Variants in KLF13 observed in about 807,000 individuals in gnomAD.
KLF13 encodes the protein KLF transcription factor 13, also known as Krueppel-like factor 13.
Under a neutral mutation model 16.7 loss-of-function variants are expected in KLF13, and 8 were observed. The ratio of observed to expected loss-of-function variants is 0.48; its 90% CI spans 0.28 to 0.87. The LOEUF (loss-of-function observed/expected upper bound fraction) is 0.87, where lower values mean the gene tolerates loss of function less well. KLF13 is among the 40% of genes least tolerant of loss of function. KLF13 has a pLI of 0.10. For missense variants in KLF13, 447 were observed against 452.2 expected (o/e 0.99, Z 0.10); for synonymous variants, 245 against 208.4 (o/e 1.18, Z -1.51).
At chr15:31,379,609 G>A (rs890296837), downstream of KLF13, among the ~76,000 whole-genome samples, 1 of 152,246 alleles carries the variant, frequency 6.6e-6, no homozygotes, top group Non-Finnish European at 1.5e-5. Flanking sequence ...AAAAAAGCAA[G>A]CAATAGATTT....
At chr15:31,341,501 C>CTT (rs35489650) in intron 1 of KLF13, among the ~76,000 whole-genome samples, 2,207 of 117,074 alleles carry the variant, frequency 0.019, 67 homozygotes, top group African/African-American at 0.066. Context: ...AATTCAGAAT[C>CTT]TTTTTTTTTT....
upstream of KLF13, among the ~76,000 whole-genome samples, chr15:31,388,605 CAAAA>C (rs5811640): frequency 0.044 from 4,042 of 92,344 alleles, 174 homozygotes; most frequent in African/African-American, 0.13. Context: ...AACTCTGTCT[CAAAA>C]AAAAAAAAAA....
chr15:31,415,052 T>C (rs936454485), intron 1 of KLF13, among the ~76,000 whole-genome samples: 14 of 152,136 alleles, frequency 9.2e-5, no homozygotes, highest in Admixed American at 5.2e-4. Context: ...GCTAGTTGTT[T>C]AAAATAATCT....
chr15:31,328,147 G>C (rs2038754645), intron 1 of KLF13, among the ~76,000 whole-genome samples: 1 of 149,718 alleles, frequency 6.7e-6, no homozygotes, highest in South Asian at 2.1e-4. Context: ...GGTGTGGACC[G>C]CAGGCGGCAC....
upstream of KLF13, among the ~76,000 whole-genome samples, chr15:31,391,628 C>T (rs1459714253): frequency 6.6e-6 from 1 of 151,078 alleles, no homozygotes; most frequent in Non-Finnish European, 1.5e-5. Context: ...CCCGACGCTT[C>T]CGGGAGGTCT....
chr15:31,345,640 C>T (rs988922279), intron 1 of KLF13, among the ~76,000 whole-genome samples: 8 of 152,192 alleles, frequency 5.3e-5, no homozygotes, highest in Non-Finnish European at 1.2e-4. Context: ...TCCCCCTCAC[C>T]AGGGGACCCT....
At chr15:31,365,689 G>A (rs560005713) in intron 1 of KLF13, among the ~76,000 whole-genome samples, 469 of 152,246 alleles carry the variant, frequency 3.1e-3, no homozygotes, top group African/African-American at 5.7e-3. Context: ...AACTTGGAGC[G>A]TGCCCTTTGC....
intron 1 of KLF13, among the ~76,000 whole-genome samples, chr15:31,329,408 G>T (rs1379407244): frequency 6.6e-6 from 1 of 152,052 alleles, no homozygotes; most frequent in Non-Finnish European, 1.5e-5. Flanking sequence ...GATACTTAAT[G>T]TTTGGGAAAT....
At chr15:31,362,998 A>G (rs1007568052) in intron 1 of KLF13, among the ~76,000 whole-genome samples, 1 of 152,240 alleles carries the variant, frequency 6.6e-6, no homozygotes, top group African/African-American at 2.4e-5. Flanking sequence ...AATCAGGAGC[A>G]TATCCCGTTT....
At chr15:31,390,082 CAG>C (rs1338666704), upstream of KLF13, among the ~76,000 whole-genome samples, 3 of 152,132 alleles carry the variant, frequency 2.0e-5, no homozygotes, top group Non-Finnish European at 2.9e-5. Context: ...ATATTAATAA[CAG>C]AATAATAATG....
At chr15:31,339,261 T>C (rs1394677634) in intron 1 of KLF13, among the ~76,000 whole-genome samples, 1 of 152,218 alleles carries the variant, frequency 6.6e-6, no homozygotes, top group African/African-American at 2.4e-5. Context: ...TTTTTTTTTT[T>C]TTAAATTAGC....
chr15:31,330,206 G>C (rs2038802105), intron 1 of KLF13, among the ~76,000 whole-genome samples: 1 of 152,238 alleles, frequency 6.6e-6, no homozygotes. Flanking sequence ...CAGGGCACAA[G>C]GTGATGGCTT....
chr15:31,407,195 T>C (rs1228719043), downstream of KLF13, among the ~76,000 whole-genome samples: 4 of 152,174 alleles, frequency 2.6e-5, no homozygotes, highest in African/African-American at 9.7e-5. Context: ...TGAGAAAAGA[T>C]AGCTGGGTGT....
downstream of KLF13, among the ~76,000 whole-genome samples, chr15:31,405,346 T>C (rs548894197): frequency 1.3e-5 from 2 of 152,226 alleles, no homozygotes; most frequent in South Asian, 2.1e-4. Context: ...AGAAAAGAGC[T>C]TGGAGAACCC....
chr15:31,327,879 A>G (rs1387387436), intron 1 of KLF13, 90 bp downstream of exon 1: 5 of 1,168,234 alleles, frequency 4.3e-6, no homozygotes, highest in Admixed American at 4.9e-5. Context: ...ATGGGGCGCG[A>G]GGTGGGGGCC....
chr15:31,357,307 A>C (rs2140953291), intron 1 of KLF13, among the ~76,000 whole-genome samples: 1 of 152,124 alleles, frequency 6.6e-6, no homozygotes, highest in Non-Finnish European at 1.5e-5. Flanking sequence ...TGCTCCCTCC[A>C]CATCACCTGT....
chr15:31,394,754 TATAGA>T (rs763467413), intron 2 of KLF13, among the ~76,000 whole-genome samples: 1 of 152,266 alleles, frequency 6.6e-6, no homozygotes. Context: ...CACAGTTAAT[TATAGA>T]ATATTGCCTC....
rs199975871 is a variant in KLF13 at position 31,376,305 on chromosome 15, C to A, written c.*4006C>A. 6.6e-6 allele frequency: 1 copy of A among 151,772 alleles called. No homozygotes were observed. Among genetic ancestry groups the A allele is most frequent in the African/African-American group, 2.4e-5 (1 of 41,206 alleles). The allele number at this position is 151,772 out of a possible 1,614,324, so 9.4% of individuals were successfully genotyped here. On this transcript the variant is annotated 3_prime_UTR_variant, in exon 2 of 2. Coordinates refer to ENST00000307145, the MANE Select transcript of KLF13 (RefSeq NM_015995.4). ...GGTTGTGGCTGTGTGTACAGGGCTA[C>A]CTATTTTGACTTCTGACAGGTGTCA...
intron 1 of KLF13, among the ~76,000 whole-genome samples, chr15:31,360,792 G>C (rs12915988): frequency 0.27 from 41,641 of 152,108 alleles, 5,776 homozygotes; most frequent in South Asian, 0.38. Flanking sequence ...TTTTAATTCG[G>C]ATGTATTTAC....
Sources: gnomAD v4.1 joint callset for allele counts (sites outside exome capture counted in the v4.1 genomes callset) on GRCh38, gnomAD v4.1.1 for gene constraint, MANE v1.5 for transcripts, NCBI Gene and HGNC (gene_info 2026-07-23, HGNC 2026-07-21) for gene names.